EIF4E3: variants seen among roughly 807,000 people sequenced by gnomAD.
EIF4E3 encodes the protein eukaryotic translation initiation factor 4E family member 3, also known as eukaryotic translation initiation factor 4E type 3.
EIF4E3 carries 26 observed loss-of-function variants against 31.7 expected under a neutral mutation model. The observed-to-expected ratio is 0.82, with a 90% CI of 0.60 to 1.14. EIF4E3 has a LOEUF of 1.14. EIF4E3 is among the 50% of genes most tolerant of loss of function. The probability of loss-of-function intolerance (pLI) is 0.00; values close to 1 mark genes in which losing one functional copy is unlikely to be tolerated. For synonymous variants in EIF4E3, 128 were observed against 107.7 expected, an observed-to-expected ratio of 1.19 and a Z score of -1.17; for missense variants, 304 against 270.9, an observed-to-expected ratio of 1.12 and a Z score of -0.86.
chr3:71,740,225 G>C (rs2049806134), intron 1 of EIF4E3, among the ~76,000 whole-genome samples: 1 of 152,106 alleles, frequency 6.6e-6, no homozygotes, highest in Admixed American at 6.6e-5. Context: ...CAAGATGACA[G>C]ATTTAAATCT....
chr3:71,701,736 A>G (rs1223159329), intron 2 of EIF4E3, among the ~76,000 whole-genome samples: 7 of 152,228 alleles, frequency 4.6e-5, no homozygotes, highest in Non-Finnish European at 1.0e-4. Context: ...TGTTAAAAAA[A>G]TAATAAAGCT....
the EIF4E3 span, among the ~76,000 whole-genome samples, chr3:71,670,220 A>G: frequency 7.2e-5 from 11 of 152,330 alleles, no homozygotes; most frequent in Admixed American, 3.9e-4. Flanking sequence ...GGAGATACTC[A>G]CATAAATGAA....
chr3:71,695,650 G>A (rs9310219), intron 4 of EIF4E3, among the ~76,000 whole-genome samples: 31,073 of 151,938 alleles, frequency 0.2, 3,734 homozygotes, highest in African/African-American at 0.33. Context: ...AAATCTGGTC[G>A]TGTCTTTAGG....
intron 2 of EIF4E3, among the ~76,000 whole-genome samples, chr3:71,704,703 G>T (rs945679298): frequency 6.6e-6 from 1 of 152,184 alleles, no homozygotes; most frequent in Non-Finnish European, 1.5e-5. Context: ...AGGGGTCAGG[G>T]GTATTTCTGC....
intron 2 of EIF4E3, among the ~76,000 whole-genome samples, chr3:71,703,589 A>G (rs550898955): frequency 1.3e-5 from 2 of 152,178 alleles, no homozygotes; most frequent in Non-Finnish European, 2.9e-5. Context: ...CACTGATTGG[A>G]GCAACTATGC....
chr3:71,746,328 A>T (rs977951308), intron 1 of EIF4E3, among the ~76,000 whole-genome samples: 3 of 152,236 alleles, frequency 2.0e-5, no homozygotes, highest in African/African-American at 7.2e-5. Context: ...GGATCTAAAA[A>T]ATGATAGCTT....
chr3:71,662,284 G>T, the EIF4E3 span, among the ~76,000 whole-genome samples: 2 of 152,114 alleles, frequency 1.3e-5, no homozygotes, highest in South Asian at 4.1e-4. Context: ...CAGGGCTGTG[G>T]TCTGCCACTC....
At chr3:71,739,706 A>AG (rs1182263318) in intron 1 of EIF4E3, among the ~76,000 whole-genome samples, 4 of 152,158 alleles carry the variant, frequency 2.6e-5, no homozygotes, top group African/African-American at 9.7e-5. Flanking sequence ...GAAAAAAAAA[A>AG]GAAATGTCAT....
chr3:71,692,595 CTTCT>C (rs1201994737), intron 5 of EIF4E3, among the ~76,000 whole-genome samples: 74 of 136,448 alleles, frequency 5.4e-4, no homozygotes, highest in African/African-American at 2.0e-3. Flanking sequence ...TAACCCAGGT[CTTCT>C]TTTTTTTTTT....
At chr3:71,715,713 C>T (rs796612308) in intron 1 of EIF4E3, among the ~76,000 whole-genome samples, 3 of 152,288 alleles carry the variant, frequency 2.0e-5, no homozygotes, top group African/African-American at 7.2e-5. Context: ...TAAAGAATTT[C>T]AATAGTTCCA....
chr3:71,712,636 G>GGT (rs1409185825), intron 1 of EIF4E3, among the ~76,000 whole-genome samples: 1 of 55,140 alleles, frequency 1.8e-5, no homozygotes, highest in Non-Finnish European at 3.6e-5. Flanking sequence ...TGCGGGGGGT[G>GGT]GGCGGGGGAG....
In EIF4E3 at chr3:71,699,630, C is replaced by T; in HGVS notation, c.328G>A (p.Glu110Lys). The T allele has an allele frequency of 1.2e-6, 2 of 1,613,740 alleles. No individual in the cohort carries two copies. The highest frequency in any genetic ancestry group is 1.7e-6 in the Non-Finnish European group (2 of 1,179,904). Residue 110 changes from glutamate to lysine, a missense_variant, in exon 3 of 7, where the codon GAG (glutamate) becomes AAG (lysine). Coordinates refer to ENST00000425534, the MANE Select transcript of EIF4E3 (RefSeq NM_001134651.2). ...GACACTTACCAAAGTGGTCGCCTCT[C>T]TCCTCTCATTAAATGATAACTACAT... ...LRCSYHLMRG[E>K]RRPLWEEESN...
the EIF4E3 span, among the ~76,000 whole-genome samples, chr3:71,662,200 C>A: frequency 6.6e-6 from 1 of 152,170 alleles, no homozygotes; most frequent in Non-Finnish European, 1.5e-5. Context: ...GAGAGTGTCT[C>A]AGTATAGAAC....
chr3:71,718,022 T>C (rs1319143038), intron 1 of EIF4E3, among the ~76,000 whole-genome samples: 1 of 152,220 alleles, frequency 6.6e-6, no homozygotes, highest in Non-Finnish European at 1.5e-5. Context: ...AAACCAATGA[T>C]GACAATATTC....
chr3:71,723,328 C>T (rs544349811), intron 1 of EIF4E3, among the ~76,000 whole-genome samples: 49 of 152,236 alleles, frequency 3.2e-4, no homozygotes, highest in African/African-American at 1.0e-3. Flanking sequence ...GTTGTTTGAT[C>T]GGGCAAAATG....
chr3:71,717,776 G>A (rs2049487133), intron 1 of EIF4E3, among the ~76,000 whole-genome samples: 1 of 151,906 alleles, frequency 6.6e-6, no homozygotes, highest in Non-Finnish European at 1.5e-5. Flanking sequence ...TACTTCTCTG[G>A]GCCTCAATTT....
chr3:71,741,461 A>G (rs2049820490), intron 1 of EIF4E3, among the ~76,000 whole-genome samples: 1 of 152,196 alleles, frequency 6.6e-6, no homozygotes, highest in Non-Finnish European at 1.5e-5. Flanking sequence ...CAGTTCATCA[A>G]GAGGATATAA....
At chr3:71,740,793 T>C (rs923728650) in intron 1 of EIF4E3, among the ~76,000 whole-genome samples, 1 of 152,130 alleles carries the variant, frequency 6.6e-6, no homozygotes, top group African/African-American at 2.4e-5. Context: ...TCCAGGAATA[T>C]ATGAGAAAAC....
At chr3:71,694,067 A>G (rs931488568) in intron 4 of EIF4E3, 126 bp from the exon 5 acceptor site, 30 of 878,730 alleles carry the variant, frequency 3.4e-5, no homozygotes, top group Admixed American at 6.5e-5. Flanking sequence ...CCATACTTGG[A>G]GTCCACAGAC....
Sources: allele counts gnomAD v4.1 joint callset (sites outside exome capture counted in the v4.1 genomes callset), GRCh38; gene constraint gnomAD v4.1.1; transcripts MANE v1.5; gene names NCBI Gene and HGNC (gene_info 2026-07-23, HGNC 2026-07-21).